Variants in CEP97 observed in about 807,000 individuals in gnomAD.
CEP97 encodes the protein centrosomal protein 97.
CEP97 carries 43 observed loss-of-function variants against 73.1 expected under a neutral mutation model. That is an observed-to-expected ratio of 0.59 (90% confidence interval 0.46 to 0.76). CEP97 has a LOEUF of 0.76. Ranked by LOEUF, CEP97 falls within the 30% of genes least tolerant of loss-of-function variation. The probability of loss-of-function intolerance (pLI) is 0.00; values close to 1 mark genes in which losing one functional copy is unlikely to be tolerated. For missense variants in CEP97, 939 were observed against 1,014.0 expected, an observed-to-expected ratio of 0.93 and a Z score of 1.00; for synonymous variants, 337 against 370.0, an observed-to-expected ratio of 0.91 and a Z score of 1.02.
chr3:101,745,051 C>T (rs1031710), intron 6 of CEP97, among the ~76,000 whole-genome samples: 47,951 of 151,986 alleles, frequency 0.32, 7,783 homozygotes, highest in Non-Finnish European at 0.35. Flanking sequence ...CAGAGTTAAG[C>T]GTACCTGTGG....
At chr3:101,752,263 C>G (rs939151615) in intron 6 of CEP97, among the ~76,000 whole-genome samples, 1 of 152,106 alleles carries the variant, frequency 6.6e-6, no homozygotes, top group Non-Finnish European at 1.5e-5. Context: ...CCGAGAGATC[C>G]GCTGTTAGTC....
intron 6 of CEP97, among the ~76,000 whole-genome samples, chr3:101,755,158 T>C (rs1938969064): frequency 6.6e-6 from 1 of 152,122 alleles, no homozygotes; most frequent in South Asian, 2.1e-4. Context: ...AGAATACTCA[T>C]TGCTTCCTTG....
At chr3:101,736,734 T>C (rs1938291502) in intron 6 of CEP97, among the ~76,000 whole-genome samples, 1 of 152,176 alleles carries the variant, frequency 6.6e-6, no homozygotes, top group African/African-American at 2.4e-5. Context: ...TCCACGAAGA[T>C]GAGGAAAAAC....
intron 10 of CEP97, 86 bp downstream of exon 10, chr3:101,762,646 A>G (rs865834678): frequency 1.0e-6 from 1 of 985,454 alleles, no homozygotes; most frequent in Middle Eastern, 2.7e-4. Flanking sequence ...ACTCAGGTGT[A>G]TTAAGCACTC....
Position 101,727,594 on chromosome 3 carries a change from G to C in CEP97, c.345+53G>C, listed in dbSNP as rs1365008377. 2.0e-6 allele frequency: 3 copies of C among 1,503,596 alleles called. No individual in the cohort carries two copies. The Admixed American group carries it at 6.2e-5, about 31-fold the overall frequency. 93.1% of individuals were successfully genotyped at this position (1,503,596 alleles called of 1,614,324 possible). On this transcript the variant is annotated intron_variant, in intron 3 of 10. Transcript: ENST00000341893. ...ACTATTCTGCGTAAAAAAAATTCAAGCAATGTAGAAATAAGTCAAATTAAA... is the reference window on the plus strand; with the variant it reads ...ACTATTCTGCGTAAAAAAAATTCAACCAATGTAGAAATAAGTCAAATTAAA...
chr3:101,758,147 A>G lies in CEP97; in HGVS notation c.1541A>G (p.Asp514Gly). The change falls in exon 9 of 11, where the codon GAC (aspartate) becomes GGC (glycine). Residue 514 changes from aspartate to glycine, a missense_variant. Transcript: ENST00000341893. ...GAGTCAACTGAGCAGAAACAATCAGACATAAAGAAACCAGAAAATACACAA... is the reference window on the plus strand; with the variant it reads ...GAGTCAACTGAGCAGAAACAATCAGGCATAAAGAAACCAGAAAATACACAA... ...FPESTEQKQS[D>G]IKKPENTQPE... 6.2e-7 allele frequency: 1 copy of G among 1,614,002 alleles called. No individual in the cohort carries two copies. The highest frequency in any genetic ancestry group is 8.5e-7 in the Non-Finnish European group (1 of 1,180,010).
intron 6 of CEP97, among the ~76,000 whole-genome samples, chr3:101,739,220 CAG>C (rs2107147832): frequency 6.6e-6 from 1 of 152,306 alleles, no homozygotes; most frequent in East Asian, 1.9e-4. Context: ...GACGGATTCA[CAG>C]CTGAATTCTG....
At chr3:101,731,727 A>T (rs1019786630) in intron 4 of CEP97, 113 bp from the exon 5 acceptor site, 1 of 639,154 alleles carries the variant, frequency 1.6e-6, no homozygotes, top group Middle Eastern at 2.7e-4. Flanking sequence ...TGTGATGAGA[A>T]ATATAATAAA....
intron 6 of CEP97, among the ~76,000 whole-genome samples, chr3:101,735,898 G>A (rs1317817412): frequency 6.6e-6 from 1 of 152,212 alleles, no homozygotes; most frequent in Non-Finnish European, 1.5e-5. Flanking sequence ...AAGTGGTCTA[G>A]CGCAGAGGAT....
chr3:101,736,981 T>C (rs1450617742), intron 6 of CEP97, among the ~76,000 whole-genome samples: 1 of 152,094 alleles, frequency 6.6e-6, no homozygotes, highest in East Asian at 1.9e-4. Flanking sequence ...GAATAACCAG[T>C]TTAGAGAGAA....
chr3:101,752,408 G>A (rs1165439612), intron 6 of CEP97, among the ~76,000 whole-genome samples: 12 of 152,090 alleles, frequency 7.9e-5, no homozygotes, highest in Non-Finnish European at 1.0e-4. Flanking sequence ...TCTTTGTGGC[G>A]TTCTCTGTAT....
rs774102114 is a variant in CEP97 at position 101,758,395 on chromosome 3, A to G, written c.1789A>G (p.Ile597Val). Residue 597 changes from isoleucine to valine, a missense_variant, in exon 9 of 11, where the codon ATT becomes GTT. Ile to Val is a conservative substitution (Grantham distance 29). Transcript: ENST00000341893. Reference sequence around the variant, plus strand: ...CCGGCTACGCAGAATGCAAGAGCACATTGTCTGCTTAACTGATGAAATAAG... The same window carrying G: ...CCGGCTACGCAGAATGCAAGAGCACGTTGTCTGCTTAACTGATGAAATAAG... ...EIRLRRMQEHIVCLTDEIRRL... is the reference protein window; with the variant it reads ...EIRLRRMQEHVVCLTDEIRRL... The G allele has an allele frequency of 4.3e-6, 7 of 1,614,026 alleles. No homozygotes were observed. The South Asian group carries it at 5.5e-5, about 13-fold the overall frequency.
chr3:101,735,765 G>A (rs1938256460), intron 6 of CEP97, among the ~76,000 whole-genome samples: 1 of 152,182 alleles, frequency 6.6e-6, no homozygotes. Context: ...GCACAAAAGT[G>A]GGTGGCCGTT....
At chr3:101,724,800 A>C in intron 1 of CEP97, 81 bp downstream of exon 1, 1 of 1,437,578 alleles carries the variant, frequency 7.0e-7, no homozygotes, top group East Asian at 2.3e-5. Context: ...ACCTAGGTTT[A>C]GATGTGCAGT....
chr3:101,742,715 C>G (rs1938495607), intron 6 of CEP97, among the ~76,000 whole-genome samples: 1 of 149,798 alleles, frequency 6.7e-6, no homozygotes, highest in Non-Finnish European at 1.5e-5. Flanking sequence ...GCACAAGTAT[C>G]CCAGAACTTA....
intron 6 of CEP97, among the ~76,000 whole-genome samples, chr3:101,749,007 A>G (rs1313167996): frequency 6.6e-6 from 1 of 152,070 alleles, no homozygotes; most frequent in Non-Finnish European, 1.5e-5. Context: ...TTTTATTGTT[A>G]TTATACTTTA....
rs1939391199 is a variant in CEP97 at position 101,769,035 on chromosome 3, ATC to A, written c.*3486_*3487del. ...GGTGCCATCTTGAGCGTGTGTTTTT[ATC>A]TGTTTTGGATTATTTTTTGTATACA... On this transcript the variant is annotated 3_prime_UTR_variant, in exon 11 of 11. Coordinates refer to ENST00000341893, the MANE Select transcript of CEP97 (RefSeq NM_024548.4). 6.6e-6 allele frequency: 1 copy of A among 152,058 alleles called. No individual in the cohort carries two copies. Among genetic ancestry groups the A allele is most frequent in the Non-Finnish European group, 1.5e-5 (1 of 67,980 alleles). 9.4% of individuals were successfully genotyped at this position (152,058 alleles called of 1,614,324 possible). A position where few individuals can be genotyped will look rare whatever the true frequency, so the allele number is the denominator to read the frequency against.
At chr3:101,739,474 C>T (rs1396176342) in intron 6 of CEP97, among the ~76,000 whole-genome samples, 2 of 152,192 alleles carry the variant, frequency 1.3e-5, no homozygotes, top group East Asian at 1.9e-4. Context: ...TTATCCACCA[C>T]GATCAAATCG....
rs528130108 is a variant in CEP97 at position 101,729,864 on chromosome 3, G to A, written c.447+927G>A. ...TGCAACCCAAGCAGTGGTTGCAGTG[G>A]TGCAATCTTGGCTCACTGCAACCTC... On this transcript the variant is annotated intron_variant, in intron 4 of 10. Coordinates refer to ENST00000341893, the MANE Select transcript of CEP97 (RefSeq NM_024548.4). 7.2e-4 allele frequency among the ~76,000 whole-genome samples: 109 copies of A among 152,160 alleles called. 1 individual carries two copies. The highest frequency in any genetic ancestry group is 2.6e-3 in the African/African-American group (106 of 41,514).
Sources: gnomAD v4.1 joint callset for allele counts (sites outside exome capture counted in the v4.1 genomes callset) on GRCh38, gnomAD v4.1.1 for gene constraint, MANE v1.5 for transcripts, NCBI Gene and HGNC (gene_info 2026-07-23, HGNC 2026-07-21) for gene names.